LDLRAD3: variants seen among roughly 807,000 people sequenced by gnomAD.
LDLRAD3 encodes low density lipoprotein receptor class A domain containing 3, also known as low-density lipoprotein receptor class A domain-containing protein 3.
Under a neutral mutation model 29.4 loss-of-function variants are expected in LDLRAD3, and 20 were observed. The ratio of observed to expected loss-of-function variants is 0.68; its 90% CI spans 0.48 to 0.99. The LOEUF (loss-of-function observed/expected upper bound fraction) is 0.99, where lower values mean the gene tolerates loss of function less well. Among genes scored for constraint, LDLRAD3 ranks in the 50% least tolerant of loss-of-function variants. The pLI is 0.00. For synonymous variants in LDLRAD3, 157 were observed against 192.7 expected (o/e 0.81, Z 1.53); for missense variants, 420 against 454.3 (o/e 0.92, Z 0.69).
chr11:35,971,423 A>G (rs2133147263), intron 1 of LDLRAD3, among the ~76,000 whole-genome samples: 1 of 151,786 alleles, frequency 6.6e-6, no homozygotes, highest in South Asian at 2.1e-4. Context: ...TAATTAAGTT[A>G]CCTGTTAGGC....
At chr11:35,993,505 C>G (rs140409870) in intron 1 of LDLRAD3, among the ~76,000 whole-genome samples, 3 of 151,980 alleles carry the variant, frequency 2.0e-5, no homozygotes, top group Admixed American at 2.0e-4. Context: ...GGCTTCTAGC[C>G]CTTCTGCTGA....
At chr11:36,055,443 G>A (rs1370527655) in intron 2 of LDLRAD3, among the ~76,000 whole-genome samples, 2 of 152,118 alleles carry the variant, frequency 1.3e-5, no homozygotes, top group African/African-American at 2.4e-5. Context: ...AAAACCAGAG[G>A]CAGAAGCTAA....
At chr11:36,008,231 A>G (rs1851909090) in intron 1 of LDLRAD3, among the ~76,000 whole-genome samples, 1 of 152,150 alleles carries the variant, frequency 6.6e-6, no homozygotes, top group Non-Finnish European at 1.5e-5. Flanking sequence ...TGGGTAAACA[A>G]ATTGGGTAAA....
At chr11:36,049,700 A>G (rs1335339220) in intron 2 of LDLRAD3, among the ~76,000 whole-genome samples, 2 of 152,198 alleles carry the variant, frequency 1.3e-5, no homozygotes, top group African/African-American at 2.4e-5. Flanking sequence ...GGACTCAGGT[A>G]GGTTACATTG....
chr11:36,077,457 G>A lies in LDLRAD3; in HGVS notation c.194-4196G>A, dbSNP rs997669711. On this transcript the variant is annotated intron_variant, in intron 2 of 5. Coordinates refer to ENST00000315571, the MANE Select transcript of LDLRAD3 (RefSeq NM_174902.4). ...CTACTTGACCTGGCAGGCTGCGTTC[G>A]GCTCCCACTACCAGCCTAGATCCCA... is the stretch of plus-strand genomic sequence containing the variant. Among the ~76,000 whole-genome samples the A allele has an allele frequency of 3.9e-5, 6 of 152,132 alleles. No individual in the cohort carries two copies. In the South Asian group the frequency reaches 6.2e-4, roughly 16 times the overall value.
intron 1 of LDLRAD3, among the ~76,000 whole-genome samples, chr11:36,023,974 G>A (rs967016278): frequency 6.6e-6 from 1 of 152,200 alleles, no homozygotes; most frequent in Non-Finnish European, 1.5e-5. Context: ...AAGACACACA[G>A]CCAGGGTCTG....
rs531644695 is a variant in LDLRAD3, at chr11:35,991,254, C to T, written c.47-44849C>T. 1.2e-4 allele frequency among the ~76,000 whole-genome samples: 19 copies of T among 152,274 alleles called. No individual in the cohort carries two copies. The East Asian group carries it at 1.7e-3, about 14-fold the overall frequency. ...AGCCTAGTACTGTTGTGGGTTCCTT[C>T]GGGCACTTTTGTCTTGCTTAACAAT... On this transcript the variant is annotated intron_variant, in intron 1 of 5. Transcript: ENST00000315571.
At chr11:36,101,870 T>A in intron 4 of LDLRAD3, 2 of 349,218 alleles carry the variant, frequency 5.7e-6, no homozygotes, top group Non-Finnish European at 1.1e-5. Context: ...CACATAGGAT[T>A]TGACCCACTG....
chr11:36,145,443 C>T (rs1380977275), intron 4 of LDLRAD3, among the ~76,000 whole-genome samples: 1 of 117,094 alleles, frequency 8.5e-6, no homozygotes, highest in Non-Finnish European at 1.8e-5. Context: ...CGCCTCTGCC[C>T]GGCCGCCCCT....
intron 2 of LDLRAD3, among the ~76,000 whole-genome samples, chr11:36,038,403 T>C (rs905487237): frequency 1.3e-5 from 2 of 152,164 alleles, no homozygotes; most frequent in African/African-American, 2.4e-5. Flanking sequence ...TGAGATATGG[T>C]GTATATTTCA....
chr11:36,139,867 G>C (rs949407492), intron 4 of LDLRAD3, among the ~76,000 whole-genome samples: 24 of 152,204 alleles, frequency 1.6e-4, no homozygotes, highest in African/African-American at 5.3e-4. Flanking sequence ...CCCCTGGAAG[G>C]CTTGGCAGCA....
intron 4 of LDLRAD3, among the ~76,000 whole-genome samples, chr11:36,139,542 C>T (rs1195993719): frequency 1.3e-5 from 2 of 152,104 alleles, no homozygotes; most frequent in East Asian, 1.9e-4. Flanking sequence ...GTTTTTCAGT[C>T]GCTTCATGTA....
chr11:36,168,385 C>T (rs1188508749), intron 4 of LDLRAD3, among the ~76,000 whole-genome samples: 1 of 151,710 alleles, frequency 6.6e-6, no homozygotes, highest in Non-Finnish European at 1.5e-5. Context: ...GAGGGTTAGA[C>T]CAACAACGTG....
intron 2 of LDLRAD3, among the ~76,000 whole-genome samples, chr11:36,043,357 C>T (rs887893823): frequency 2.8e-4 from 42 of 152,178 alleles, no homozygotes; most frequent in African/African-American, 1.0e-3. Context: ...TAGCTTCCTG[C>T]AGCTGTCTAA....
intron 4 of LDLRAD3, among the ~76,000 whole-genome samples, chr11:36,177,956 A>G (rs143220995): frequency 3.5e-4 from 54 of 152,136 alleles, no homozygotes; most frequent in African/African-American, 1.2e-3. Flanking sequence ...CTGAATTCAG[A>G]GTTTTTGTTT....
intron 1 of LDLRAD3, among the ~76,000 whole-genome samples, chr11:35,965,349 A>G (rs1851326660): frequency 6.6e-6 from 1 of 152,208 alleles, no homozygotes; most frequent in South Asian, 2.1e-4. Context: ...TTCATTTTCT[A>G]CTTTTGTTGC....
intron 4 of LDLRAD3, among the ~76,000 whole-genome samples, chr11:36,135,792 C>A (rs548289183): frequency 6.6e-6 from 1 of 152,204 alleles, no homozygotes; most frequent in South Asian, 2.1e-4. Flanking sequence ...CACCTGTAAT[C>A]CCAGCTACTC....
chr11:36,100,944 G>C (rs1257582838), intron 4 of LDLRAD3, among the ~76,000 whole-genome samples: 4 of 152,136 alleles, frequency 2.6e-5, no homozygotes, highest in Non-Finnish European at 5.9e-5. Flanking sequence ...TCTGTAGGCT[G>C]TTTAAAGCTC....
chr11:36,163,719 G>A (rs1854476186), intron 4 of LDLRAD3: 1 of 151,578 alleles, frequency 6.6e-6, no homozygotes, highest in African/African-American at 2.4e-5. Context: ...AGGGAGGGAG[G>A]GAGGGAGGGA....
Sources: gnomAD v4.1 joint callset for allele counts (sites outside exome capture counted in the v4.1 genomes callset) on GRCh38, gnomAD v4.1.1 for gene constraint, MANE v1.5 for transcripts, NCBI Gene and HGNC (gene_info 2026-07-23, HGNC 2026-07-21) for gene names.